SHE: variants seen among roughly 807,000 people sequenced by gnomAD.
The protein encoded by SHE is SH2 domain-containing adapter protein E.
A neutral mutation model predicts 49.8 loss-of-function variants in SHE; 11 were observed. The observed-to-expected ratio is 0.22, with a 90% CI of 0.14 to 0.37. SHE has a LOEUF of 0.37. Among genes scored for constraint, SHE ranks in the 10% least tolerant of loss-of-function variants. The probability of loss-of-function intolerance (pLI) is 1.00; values close to 1 mark genes in which losing one functional copy is unlikely to be tolerated. For missense variants in SHE, 624 were observed against 655.5 expected (o/e 0.95, Z 0.52); for synonymous variants, 310 against 278.1 (o/e 1.11, Z -1.14).
chr1:154,497,292 A>G (rs1692559465), intron 2 of SHE, among the ~76,000 whole-genome samples: 1 of 152,236 alleles, frequency 6.6e-6, no homozygotes, highest in Non-Finnish European at 1.5e-5. Context: ...TGAGCTTGAC[A>G]GCTCTTCAAT....
In SHE at chr1:154,483,869, G is replaced by A. The variant is rs1489351847; in HGVS notation, c.*280C>T. ...AAAAATTAGCTGGGAGTGGTGGTGC[G>A]AACCTATAGTCCCACCTACTTGGGA... On this transcript the variant is annotated 3_prime_UTR_variant, in exon 6 of 6. Transcript: ENST00000304760. 8 of 938,048 alleles carry A rather than the reference G, an allele frequency of 8.5e-6. No homozygotes were observed. Among genetic ancestry groups the A allele is most frequent in the East Asian group, 4.4e-5 (1 of 22,630 alleles). 58.1% of individuals were successfully genotyped at this position (938,048 alleles called of 1,614,324 possible).
chr1:154,487,727 G>A (rs1692223539), intron 3 of SHE, among the ~76,000 whole-genome samples: 1 of 151,660 alleles, frequency 6.6e-6, no homozygotes. Flanking sequence ...GTGCACGCCT[G>A]TAGTCCCAGC....
In SHE at chr1:154,486,553, G is replaced by A; in HGVS notation, c.1155C>T (p.Asp385=). Reference sequence around the variant, plus strand: ...GCTGCTTCTCCAGGGGCAGGCCCGGGTCCACTTTCTCTCCCTCACTGTGGT... The same window carrying A: ...GCTGCTTCTCCAGGGGCAGGCCCGGATCCACTTTCTCTCCCTCACTGTGGT... The part of the protein sequence containing the change: ...LSDHSEGEKV[D]PGLPLEKQPW... The change falls in exon 4 of 6, where the codon GAC becomes GAT. Residue 385 remains aspartate, a synonymous_variant. Coordinates refer to ENST00000304760, the MANE Select transcript of SHE (RefSeq NM_001010846.3). 6.2e-7 allele frequency: 1 copy of A among 1,614,144 alleles called. No homozygotes were observed. Among genetic ancestry groups the A allele is most frequent in the Non-Finnish European group, 8.5e-7 (1 of 1,180,004 alleles).
Position 154,486,078 on chromosome 1 carries a change from G to C in SHE, c.1182-16C>G. 1 of 1,608,072 alleles carries C rather than the reference G, an allele frequency of 6.2e-7. No homozygotes were observed. Among genetic ancestry groups the C allele is most frequent in the Non-Finnish European group, 8.5e-7 (1 of 1,175,138 alleles). ...ATGATACCAGCTGAAAAATGGGGGT[G>C]GAAGAGGGGAAAGCACCATGAGTGT... On this transcript the variant is annotated splice_polypyrimidine_tract_variant and intron_variant, in intron 4 of 5. Coordinates refer to ENST00000304760, the MANE Select transcript of SHE (RefSeq NM_001010846.3).
chr1:154,499,245 A>G lies in SHE; in HGVS notation c.592-7T>C. 1 of 1,612,486 alleles carries G rather than the reference A, an allele frequency of 6.2e-7. No homozygotes were observed. The highest frequency in any genetic ancestry group is 8.5e-7 in the Non-Finnish European group (1 of 1,179,228). ...AGTCTTCTAAAATGATGACCTGAAA[A>G]AGAACAAGAGAGGACAGTTGCTAAG... On this transcript the variant is annotated splice_region_variant and splice_polypyrimidine_tract_variant and intron_variant, in intron 1 of 5. Transcript: ENST00000304760.
intron 4 of SHE, 146 bp from the exon 5 acceptor site, chr1:154,486,208 C>T (rs1237637244): frequency 8.6e-7 from 1 of 1,160,802 alleles, no homozygotes; most frequent in Non-Finnish European, 1.2e-6. Flanking sequence ...ACATTCAGAA[C>T]AGACAAAATG....
chr1:154,475,033 G>C (rs76215472), downstream of SHE, among the ~76,000 whole-genome samples: 4,119 of 152,184 alleles, frequency 0.027, 178 homozygotes, highest in African/African-American at 0.093. Context: ...CTGTGTCTGG[G>C]AGCAAATGAC....
At chr1:154,491,416 T>A (rs972249347) in intron 2 of SHE, among the ~76,000 whole-genome samples, 1 of 152,212 alleles carries the variant, frequency 6.6e-6, no homozygotes, top group African/African-American at 2.4e-5. Flanking sequence ...AGCCCACCGG[T>A]GTCCTGGCGA....
In SHE at chr1:154,480,922, AAAG is replaced by A; in HGVS notation, c.*3224_*3226del. The A allele has an allele frequency of 1.0e-6, 1 of 985,394 alleles. No homozygotes were observed. The highest frequency in any genetic ancestry group is 1.2e-6 in the Non-Finnish European group (1 of 829,904). 61.0% of individuals were successfully genotyped at this position (985,394 alleles called of 1,614,324 possible). A position where few individuals can be genotyped will look rare whatever the true frequency, so the allele number is the denominator to read the frequency against. On this transcript the variant is annotated 3_prime_UTR_variant, in exon 6 of 6. Transcript: ENST00000304760. ...GTCATCGCAAGCAAGTATTTTTTTT[AAAG>A]AAGGTGTGATCAAGAAGAACACTGA... is the stretch of plus-strand genomic sequence containing the variant.
At chr1:154,488,086 G>T (rs564145451) in intron 3 of SHE, among the ~76,000 whole-genome samples, 5 of 150,362 alleles carry the variant, frequency 3.3e-5, no homozygotes, top group African/African-American at 1.2e-4. Context: ...GGGACTACAG[G>T]TGCGTGCCAC....
In SHE at chr1:154,480,301, C is replaced by T; in HGVS notation, c.*3848G>A. 1.0e-6 allele frequency: 1 copy of T among 985,420 alleles called. No homozygotes were observed. Among genetic ancestry groups the T allele is most frequent in the Non-Finnish European group, 1.2e-6 (1 of 829,938 alleles). The allele number at this position is 985,420 out of a possible 1,614,324, so 61.0% of individuals were successfully genotyped here. ...GGGAAATGAAATCGACATCACTGCA[C>T]TCCCTAAACCCTGGAAGGAGGGAGA... is the stretch of plus-strand genomic sequence containing the variant. On this transcript the variant is annotated 3_prime_UTR_variant, in exon 6 of 6. Transcript: ENST00000304760.
At position 154,479,957 on chromosome 1, in the gene SHE, T is replaced by C. The variant is rs562748726; in HGVS notation, c.*4192A>G. 26 of 985,446 alleles carry C rather than the reference T, an allele frequency of 2.6e-5. No homozygotes were observed. The East Asian group carries it at 2.8e-3, about 108-fold the overall frequency. 61.0% of individuals were successfully genotyped at this position (985,446 alleles called of 1,614,324 possible). A position where few individuals can be genotyped will look rare whatever the true frequency, so the allele number is the denominator to read the frequency against. Reference sequence around the variant, plus strand: ...GTATCAGAAATCCTTCAGAAAGCCCTACCCTTAAATGCACAGCTGCTTTTC... The same window carrying C: ...GTATCAGAAATCCTTCAGAAAGCCCCACCCTTAAATGCACAGCTGCTTTTC... On this transcript the variant is annotated 3_prime_UTR_variant, in exon 6 of 6. Coordinates refer to ENST00000304760, the MANE Select transcript of SHE (RefSeq NM_001010846.3).
chr1:154,485,868 G>GA, intron 5 of SHE, 75 bp downstream of exon 5: 1 of 1,550,676 alleles, frequency 6.4e-7, no homozygotes, highest in Non-Finnish European at 8.9e-7. Flanking sequence ...TTCACAGTAT[G>GA]TTTTTTTTGA....
Position 154,481,203 on chromosome 1 carries a change from A to G in SHE, c.*2946T>C, listed in dbSNP as rs1433979728. ...TGCTGGGCCTAATTGTTTTTAGAACATATGGAACTTTGTGCCACCACACAG... is the reference window on the plus strand; with the variant it reads ...TGCTGGGCCTAATTGTTTTTAGAACGTATGGAACTTTGTGCCACCACACAG... On this transcript the variant is annotated 3_prime_UTR_variant, in exon 6 of 6. Coordinates refer to ENST00000304760, the MANE Select transcript of SHE (RefSeq NM_001010846.3). 8 of 985,352 alleles carry G rather than the reference A, an allele frequency of 8.1e-6. No individual in the cohort carries two copies. The highest frequency in any genetic ancestry group is 4.7e-5 in the South Asian group (1 of 21,292). The allele number at this position is 985,352 out of a possible 1,614,324, so 61.0% of individuals were successfully genotyped here. A position where few individuals can be genotyped will look rare whatever the true frequency, so the allele number is the denominator to read the frequency against.
chr1:154,501,530 C>G lies in SHE; in HGVS notation c.497G>C (p.Ser166Thr). 6.2e-7 allele frequency: 1 copy of G among 1,614,184 alleles called. No homozygotes were observed. Among genetic ancestry groups the G allele is most frequent in the African/African-American group, 1.3e-5 (1 of 75,066 alleles). Reference protein sequence around the residue: ...NGKSNYPSSSSSSSSSSSSAS... With the variant: ...NGKSNYPSSSTSSSSSSSSAS... The stretch of plus-strand genomic sequence containing the variant: ...GGAGGAAGAGGAGCTGGAGCTGGAG[C>G]TACTGCTGCTGGGGTAGTTGCTCTT... The change falls in exon 1 of 6, where the codon AGC (serine) becomes ACC (threonine). Residue 166 changes from serine to threonine, a missense_variant. Ser to Thr is a moderately conservative substitution (Grantham distance 58). Transcript: ENST00000304760.
In SHE at chr1:154,501,758, C is replaced by G. The variant is rs1692767310; in HGVS notation, c.269G>C (p.Gly90Ala). The G allele has an allele frequency of 6.4e-7, 1 of 1,567,972 alleles. No homozygotes were observed. The highest frequency in any genetic ancestry group is 2.4e-5 in the East Asian group (1 of 42,350). The change falls in exon 1 of 6, where the codon GGG (glycine) becomes GCG (alanine). Residue 90 changes from glycine (G) to alanine (A), a missense_variant. Transcript: ENST00000304760. ...KGRKNSAAEL[G>A]SGRAGVGPKD... ...GGGGCCGACGCCGGCCCTGCCGCTC[C>G]CCAGCTCGGCCGCCGAGTTCTTGCG...
chr1:154,480,601 T>C lies in SHE; in HGVS notation c.*3548A>G. ...GCAGAGGCTAGTACACAAATACCAA[T>C]TCTGCAAAGTACGGAGACTTCCAAC... On this transcript the variant is annotated 3_prime_UTR_variant, in exon 6 of 6. Coordinates refer to ENST00000304760, the MANE Select transcript of SHE (RefSeq NM_001010846.3). The C allele has an allele frequency of 1.0e-6, 1 of 985,446 alleles. No homozygotes were observed. The highest frequency in any genetic ancestry group is 4.7e-5 in the South Asian group (1 of 21,284). 61.0% of individuals were successfully genotyped at this position (985,446 alleles called of 1,614,324 possible).
intron 3 of SHE, among the ~76,000 whole-genome samples, chr1:154,487,581 G>A (rs1692219334): frequency 6.6e-6 from 1 of 151,956 alleles, no homozygotes; most frequent in Non-Finnish European, 1.5e-5. Flanking sequence ...GCTGGGCATG[G>A]TAGCTCTTGC....
rs1557806594 is a variant in SHE at position 154,502,061 on chromosome 1, G to A, written c.-35C>T. The A allele has an allele frequency of 8.0e-7, 1 of 1,257,322 alleles. No homozygotes were observed. Among genetic ancestry groups the A allele is most frequent in the South Asian group, 3.2e-5 (1 of 31,194 alleles). 77.9% of individuals were successfully genotyped at this position (1,257,322 alleles called of 1,614,324 possible). ...CTGGGGCGCTGGAGGCCGCGGCGAG[G>A]CCCCGCGACGGCTGCTCCGTGCGCC... On this transcript the variant is annotated 5_prime_UTR_variant, in exon 1 of 6. Transcript: ENST00000304760.
Sources: gnomAD v4.1 joint callset for allele counts (sites outside exome capture counted in the v4.1 genomes callset) on GRCh38, gnomAD v4.1.1 for gene constraint, MANE v1.5 for transcripts, NCBI Gene and HGNC (gene_info 2026-07-23, HGNC 2026-07-21) for gene names.